Variants in IL4I1 observed in about 807,000 individuals in gnomAD.
IL4I1 encodes the protein L-amino-acid oxidase.
In IL4I1, 24 loss-of-function variants were observed where a neutral mutation model predicts 29.7. The observed-to-expected ratio is 0.81, with a 90% confidence interval of 0.59 to 1.14. The LOEUF is 1.14. Among genes scored for constraint, IL4I1 ranks in the 50% most tolerant of loss-of-function variants. The pLI is 0.00. For synonymous variants in IL4I1, 371 were observed against 352.5 expected (o/e 1.05, Z -0.59); for missense variants, 686 against 785.6 (o/e 0.87, Z 1.52).
intron 5 of IL4I1, among the ~76,000 whole-genome samples, chr19:49,892,663 AT>A (rs1332824039): frequency 6.6e-6 from 1 of 151,954 alleles, no homozygotes; most frequent in African/African-American, 2.4e-5. Flanking sequence ...CCCCCATCTA[AT>A]TTCAGCCTTC....
chr19:49,897,963 G>A (rs1221488174), upstream of IL4I1, among the ~76,000 whole-genome samples: 1 of 152,220 alleles, frequency 6.6e-6, no homozygotes, highest in African/African-American at 2.4e-5. Flanking sequence ...GGGGCGGGAG[G>A]CCGTGGCAAA....
At chr19:49,902,359 C>CTTTTT (rs1207280960) in intron 3 of IL4I1, among the ~76,000 whole-genome samples, 1 of 118,628 alleles carries the variant, frequency 8.4e-6, no homozygotes, top group South Asian at 2.7e-4. Flanking sequence ...GCAGCCATTT[C>CTTTTT]TTTTTTTTTT....
intron 5 of IL4I1, 56 bp downstream of exon 5, chr19:49,894,212 A>G: frequency 6.5e-7 from 1 of 1,539,988 alleles, no homozygotes; most frequent in South Asian, 1.2e-5. Context: ...GGCCGGGGCG[A>G]GCTTAGGAGG....
chr19:49,901,801 G>T, upstream of IL4I1: 1 of 1,025,080 alleles, frequency 9.8e-7, no homozygotes, highest in Non-Finnish European at 1.4e-6. Context: ...TCCTGATATT[G>T]GGGTCAGAGC....
intron 2 of IL4I1, among the ~76,000 whole-genome samples, chr19:49,916,545 G>A (rs2075628403): frequency 1.3e-5 from 2 of 151,928 alleles, no homozygotes; most frequent in Admixed American, 6.6e-5. Context: ...AGGCCGAGGC[G>A]GGCGGATCAC....
At chr19:49,901,784 G>T, upstream of IL4I1, 1 of 1,204,056 alleles carries the variant, frequency 8.3e-7, no homozygotes, top group Non-Finnish European at 1.1e-6. Context: ...GATCAGAGAT[G>T]CCAAGTTCCT....
chr19:49,914,745 T>G (rs2075580373), intron 2 of IL4I1, among the ~76,000 whole-genome samples: 4 of 131,646 alleles, frequency 3.0e-5, no homozygotes, highest in African/African-American at 8.5e-5. Context: ...TTTTTTTTTT[T>G]TTTTTTTTTT....
intron 2 of IL4I1, among the ~76,000 whole-genome samples, chr19:49,919,080 G>A (rs1375217009): frequency 2.0e-5 from 3 of 151,734 alleles, no homozygotes; most frequent in African/African-American, 7.3e-5. Context: ...TTGAACCTGG[G>A]AGGCGGAGGT....
intron 2 of IL4I1, among the ~76,000 whole-genome samples, chr19:49,922,039 G>T: frequency 6.6e-6 from 1 of 152,154 alleles, no homozygotes; most frequent in East Asian, 1.9e-4. Flanking sequence ...CCTGAATCAC[G>T]CCTCAACACA....
chr19:49,908,942 C>A, intron 2 of IL4I1: 7 of 1,609,050 alleles, frequency 4.4e-6, no homozygotes, highest in East Asian at 2.2e-5. Context: ...CAAGGCAAAG[C>A]CGGTGGTGCT....
chr19:49,910,374 G>A (rs1166979425), intron 2 of IL4I1, among the ~76,000 whole-genome samples: 1 of 152,044 alleles, frequency 6.6e-6, no homozygotes, highest in Non-Finnish European at 1.5e-5. Flanking sequence ...CAGGCTGGAT[G>A]GCAGGGTCTG....
At chr19:49,915,157 TG>T (rs1189134926) in intron 2 of IL4I1, among the ~76,000 whole-genome samples, 4 of 151,972 alleles carry the variant, frequency 2.6e-5, no homozygotes, top group Non-Finnish European at 4.4e-5. Flanking sequence ...GCTATGTGTG[TG>T]GGGGGGTAGA....
rs368541865 is a variant in IL4I1 at position 49,904,787 on chromosome 19, G to A, written c.-227-466C>T. Among the ~76,000 whole-genome samples the A allele has an allele frequency of 1.1e-3, 165 of 152,000 alleles. 2 individuals are homozygous for A. In the Middle Eastern group the frequency reaches 0.014, roughly 13 times the overall value. On this transcript the variant is annotated intron_variant, in intron 2 of 9. Coordinates refer to the IL4I1 transcript ENST00000341114. The stretch of plus-strand genomic sequence containing the variant: ...TGCAGTGGCTTGATCTCTGCTCACT[G>A]TAAGCTCCGCCTCCCGGGTTCATGC...
upstream of IL4I1, among the ~76,000 whole-genome samples, chr19:49,898,123 C>T (rs2075235007): frequency 6.6e-6 from 1 of 152,130 alleles, no homozygotes; most frequent in Non-Finnish European, 1.5e-5. Context: ...GAGTTCAAGA[C>T]CAGCCTGGCC....
upstream of IL4I1, among the ~76,000 whole-genome samples, chr19:49,897,897 C>A (rs563958521): frequency 6.6e-6 from 1 of 151,446 alleles, no homozygotes; most frequent in East Asian, 1.9e-4. Flanking sequence ...AAGAGGGATG[C>A]GGTTATGGCC....
chr19:49,919,280 G>T (rs912852003), intron 2 of IL4I1, among the ~76,000 whole-genome samples: 1 of 152,212 alleles, frequency 6.6e-6, no homozygotes, highest in Admixed American at 6.5e-5. Flanking sequence ...CTGCTCCCTG[G>T]AGACAGGCTG....
chr19:49,908,935 G>A (rs1231006481), intron 2 of IL4I1: 1 of 1,608,726 alleles, frequency 6.2e-7, no homozygotes, highest in Non-Finnish European at 8.5e-7. Context: ...TTAAATTCAA[G>A]GCAAAGCCGG....
intron 3 of IL4I1, among the ~76,000 whole-genome samples, chr19:49,895,463 CATTCTCGG>C (rs1255055833): frequency 7.2e-5 from 11 of 152,214 alleles, no homozygotes; most frequent in Non-Finnish European, 1.5e-4. Context: ...GGCCCATTCT[CATTCTCGG>C]ATTGCAGTGA....
At position 49,890,243 on chromosome 19, in the gene IL4I1, A is replaced by G. The variant is rs144672614; in HGVS notation, c.1131T>C (p.Asp377=). The part of the protein sequence containing the change: ...EHIEGGHSNT[D]RPSRMIFYPP... ...GGTAGAAAATCATGCGCGACGGGCG[A>G]TCGGTGTTTGAGTGGCCGCCTTCAA... Residue 377 remains aspartate, a synonymous_variant, in exon 8 of 8, where the codon GAT becomes GAC. Coordinates refer to ENST00000391826, the MANE Select transcript of IL4I1 (RefSeq NM_152899.2). 42 of 1,565,574 alleles carry G rather than the reference A, an allele frequency of 2.7e-5. No homozygotes were observed. The highest frequency in any genetic ancestry group is 1.7e-4 in the Middle Eastern group (1 of 5,752).
Sources: allele counts gnomAD v4.1 joint callset (sites outside exome capture counted in the v4.1 genomes callset), GRCh38; gene constraint gnomAD v4.1.1; transcripts MANE v1.5; gene names NCBI Gene and HGNC (gene_info 2026-07-23, HGNC 2026-07-21).